FOXK1: variants seen among roughly 807,000 people sequenced by gnomAD.
FOXK1 encodes forkhead box K1, also known as forkhead box protein K1.
FOXK1 carries 19 observed loss-of-function variants against 51.9 expected under a neutral mutation model. The observed-to-expected ratio is 0.37, with a 90% confidence interval of 0.26 to 0.54. The LOEUF is 0.54. Among genes scored for constraint, FOXK1 ranks in the 20% least tolerant of loss-of-function variants. The probability of loss-of-function intolerance (pLI) is 0.87; values close to 1 mark genes in which losing one functional copy is unlikely to be tolerated. For missense variants in FOXK1, 870 were observed against 1,032.7 expected, an observed-to-expected ratio of 0.84 and a Z score of 2.16; for synonymous variants, 537 against 482.6, an observed-to-expected ratio of 1.11 and a Z score of -1.48.
chr7:4,761,844 G>A lies in FOXK1; in HGVS notation c.1922-340G>A, dbSNP rs1014208210. ...CTGGGGTGCAAGGGTGCTGGGCGGG[G>A]GTGCAGGGTACCAGGGCACCGGGCG... is the stretch of plus-strand genomic sequence containing the variant. On this transcript the variant is annotated intron_variant, in intron 8 of 8. Transcript: ENST00000328914. The surrounding 1 kb of genome is among the most constrained non-coding windows in gnomAD (Gnocchi z 6.2). 6.6e-6 allele frequency among the ~76,000 whole-genome samples: 1 copy of A among 152,156 alleles called. No homozygotes were observed. The highest frequency in any genetic ancestry group is 1.5e-5 in the Non-Finnish European group (1 of 68,032).
intron 1 of FOXK1, among the ~76,000 whole-genome samples, chr7:4,714,031 GGT>G (rs1025755379): frequency 1.1e-4 from 17 of 151,974 alleles, no homozygotes; most frequent in African/African-American, 4.1e-4. Context: ...TCACTGTGTT[GGT>G]CAGGCTGGTC....
In FOXK1 at chr7:4,682,433, C is replaced by A; in HGVS notation, c.125C>A (p.Ala42Asp). 7.1e-6 allele frequency: 7 copies of A among 981,360 alleles called. No individual in the cohort carries two copies. Among genetic ancestry groups the A allele is most frequent in the Non-Finnish European group, 8.4e-6 (7 of 828,746 alleles). The allele number at this position is 981,360 out of a possible 1,614,324, so 60.8% of individuals were successfully genotyped here. The change falls in exon 1 of 9, where the codon GCC becomes GAC. Residue 42 changes from alanine (A) to aspartate (D), a missense_variant. Ala to Asp is a moderately radical substitution (Grantham distance 126). Around this residue, in one of 3 missense-constraint regions of FOXK1, gnomAD observed 399 missense variants for 475.6 expected, o/e 0.84. Coordinates refer to ENST00000328914, the MANE Select transcript of FOXK1 (RefSeq NM_001037165.2). The surrounding 1 kb of genome is among the most constrained non-coding windows in gnomAD (Gnocchi z 7.6). ...TTCCCCGCGGCCGCACCCCCGCCGG[C>A]CCCCGCGCAGCCCCAGCCTCCGCCC... ...AAFPAAAPPP[A>D]PAQPQPPPGP...
intron 1 of FOXK1, among the ~76,000 whole-genome samples, chr7:4,705,630 G>C (rs1007528569): frequency 6.7e-6 from 1 of 149,106 alleles, no homozygotes; most frequent in African/African-American, 2.5e-5. Flanking sequence ...TCTGCTTCCC[G>C]CATTGAAGCA....
In FOXK1 at chr7:4,687,240, C is replaced by T. The variant is rs540433153; in HGVS notation, c.560+4372C>T. ...AGCCACCACGCCCGGCCTTTTTTTTCCTTTTTACATAGTTAATGTATCCAA... is the reference window on the plus strand; with the variant it reads ...AGCCACCACGCCCGGCCTTTTTTTTTCTTTTTACATAGTTAATGTATCCAA... On this transcript the variant is annotated intron_variant, in intron 1 of 8. Coordinates refer to ENST00000328914, the MANE Select transcript of FOXK1 (RefSeq NM_001037165.2). 2.7e-5 allele frequency among the ~76,000 whole-genome samples: 4 copies of T among 150,118 alleles called. No individual in the cohort carries two copies. In the East Asian group the frequency reaches 8.1e-4, roughly 30 times the overall value.
At chr7:4,744,211 G>C (rs1780672012) in intron 2 of FOXK1, among the ~76,000 whole-genome samples, 1 of 152,204 alleles carries the variant, frequency 6.6e-6, no homozygotes, top group African/African-American at 2.4e-5. Flanking sequence ...GTTTGCGAAG[G>C]AGTTAAGTGA....
At chr7:4,702,082 A>G (rs545702031) in intron 1 of FOXK1, among the ~76,000 whole-genome samples, 1 of 152,120 alleles carries the variant, frequency 6.6e-6, no homozygotes, top group Admixed American at 6.5e-5. Flanking sequence ...CTCAAAAAAA[A>G]CCCCAAAAAG....
In FOXK1 at chr7:4,747,597, A is replaced by G. The variant is rs771589161; in HGVS notation, c.746+6574A>G. ...ATTGCCCAGGCTGGAGTGCAGTGGC[A>G]CAGTCACAGCTCACTGCAACCTCAA... On this transcript the variant is annotated intron_variant, in intron 2 of 8. Transcript: ENST00000328914. This position sits in a 1 kb window ranked among gnomAD's most constrained non-coding sequence, Gnocchi z 9.2. 1.3e-5 allele frequency among the ~76,000 whole-genome samples: 2 copies of G among 151,394 alleles called. No homozygotes were observed. The highest frequency in any genetic ancestry group is 2.4e-5 in the African/African-American group (1 of 41,088).
rs999585981 is a variant in FOXK1 at position 4,748,336 on chromosome 7, C to T, written c.747-6123C>T. On this transcript the variant is annotated intron_variant, in intron 2 of 8. Coordinates refer to ENST00000328914, the MANE Select transcript of FOXK1 (RefSeq NM_001037165.2). This position sits in a 1 kb window ranked among gnomAD's most constrained non-coding sequence, Gnocchi z 4.9. ...TATATGGAAATTAAGGATTTAGCTTCCCCCCTCCCCATCCCAGTAAAGTTA... is the reference window on the plus strand; with the variant it reads ...TATATGGAAATTAAGGATTTAGCTTTCCCCCTCCCCATCCCAGTAAAGTTA... 6.6e-6 allele frequency among the ~76,000 whole-genome samples: 1 copy of T among 152,150 alleles called. No homozygotes were observed. Among genetic ancestry groups the T allele is most frequent in the African/African-American group, 2.4e-5 (1 of 41,446 alleles).
chr7:4,701,226 T>C (rs1351282263), intron 1 of FOXK1, among the ~76,000 whole-genome samples: 1 of 152,140 alleles, frequency 6.6e-6, no homozygotes, highest in Non-Finnish European at 1.5e-5. Flanking sequence ...TCTGAGCTGC[T>C]TATCTAGAGA....
intron 1 of FOXK1, among the ~76,000 whole-genome samples, chr7:4,697,264 C>G (rs544779078): frequency 6.6e-6 from 1 of 152,292 alleles, no homozygotes; most frequent in South Asian, 2.1e-4. Flanking sequence ...GTGACCAGAG[C>G]TCAGTCTCCG....
rs1008407494 is a variant in FOXK1, at chr7:4,768,257, C to A, written c.*5793C>A. On this transcript the variant is annotated 3_prime_UTR_variant, in exon 9 of 9. Transcript: ENST00000328914. The stretch of plus-strand genomic sequence containing the variant: ...ACGCCATTCTCCTGCCTCAGCCTCC[C>A]GAGTAGCTGGGACTACAGGCGCCCG... The A allele has an allele frequency of 6.9e-6, 1 of 145,710 alleles. No homozygotes were observed. Among genetic ancestry groups the A allele is most frequent in the South Asian group, 2.1e-4 (1 of 4,700 alleles). The allele number at this position is 145,710 out of a possible 1,614,324, so 9.0% of individuals were successfully genotyped here.
At position 4,697,741 on chromosome 7, in the gene FOXK1, C is replaced by CTGTGTG. The variant is rs57978112; in HGVS notation, c.560+14917_560+14922dup. On this transcript the variant is annotated intron_variant, in intron 1 of 8. Transcript: ENST00000328914. Reference sequence around the variant, plus strand: ...AGTGTTTACATACAGGAAAGATAGGCTGTGTGTGTGTGTGTGTGTGTGTGT... The same window carrying CTGTGTG: ...AGTGTTTACATACAGGAAAGATAGGCTGTGTGTGTGTGTGTGTGTGTGTGTGTGTGT... Among the ~76,000 whole-genome samples, 461 of 135,676 alleles carry CTGTGTG rather than the reference C, an allele frequency of 3.4e-3. 1 individual carries two copies. The highest frequency in any genetic ancestry group is 8.4e-3 in the African/African-American group (303 of 36,152). The allele number at this position is 135,676 out of a possible 152,430, so 89.0% of individuals were successfully genotyped here.
chr7:4,722,258 C>A lies in FOXK1; in HGVS notation c.561-18580C>A, dbSNP rs897326494. On this transcript the variant is annotated intron_variant, in intron 1 of 8. Coordinates refer to ENST00000328914, the MANE Select transcript of FOXK1 (RefSeq NM_001037165.2). The surrounding 1 kb of genome is among the most constrained non-coding windows in gnomAD (Gnocchi z 5.1). ...GCACCGTGCAAGCTGGCTTTGCATT[C>A]TCTGCCTTTCCCGAGCGTCCCTGCC... Among the ~76,000 whole-genome samples the A allele has an allele frequency of 5.3e-5, 8 of 151,140 alleles. No homozygotes were observed. The highest frequency in any genetic ancestry group is 1.9e-4 in the African/African-American group (8 of 41,442).
Position 4,753,812 on chromosome 7 carries a change from C to T in FOXK1, c.747-647C>T, listed in dbSNP as rs536258570. ...CTCAACCCAGAGCCTCACCTGCAGC[C>T]GGGGGTGTCGGTCACTCCCAGCCAT... is the stretch of plus-strand genomic sequence containing the variant. On this transcript the variant is annotated intron_variant, in intron 2 of 8. Coordinates refer to ENST00000328914, the MANE Select transcript of FOXK1 (RefSeq NM_001037165.2). The surrounding 1 kb of genome is among the most constrained non-coding windows in gnomAD (Gnocchi z 4.9). 9.2e-5 allele frequency among the ~76,000 whole-genome samples: 14 copies of T among 152,310 alleles called. No individual in the cohort carries two copies. Among genetic ancestry groups the T allele is most frequent in the South Asian group, 2.1e-4 (1 of 4,824 alleles).
In FOXK1 at chr7:4,754,479, C is replaced by G; in HGVS notation, c.767C>G (p.Ala256Gly). The change falls in exon 3 of 9, where the codon GCC (alanine) becomes GGC (glycine). Residue 256 changes from alanine (A) to glycine (G), a missense_variant. Around this residue, in one of 3 missense-constraint regions of FOXK1, gnomAD observed 399 missense variants for 475.6 expected, o/e 0.84. Coordinates refer to ENST00000328914, the MANE Select transcript of FOXK1 (RefSeq NM_001037165.2). ...GTISVPNSCP[A>G]SPRGAGSSSY... is the part of the protein sequence containing the mutation. Reference sequence around the variant, plus strand: ...CTCAGTGTCCCCAACTCCTGCCCAGCCAGTCCACGCGGTGCCGGCTCCTCC... The same window carrying G: ...CTCAGTGTCCCCAACTCCTGCCCAGGCAGTCCACGCGGTGCCGGCTCCTCC... 6.2e-7 allele frequency: 1 copy of G among 1,613,296 alleles called. No homozygotes were observed. The highest frequency in any genetic ancestry group is 8.5e-7 in the Non-Finnish European group (1 of 1,180,004).
chr7:4,762,683 G>A lies in FOXK1; in HGVS notation c.*219G>A. On this transcript the variant is annotated 3_prime_UTR_variant, in exon 9 of 9. Transcript: ENST00000328914. This position sits in a 1 kb window ranked among gnomAD's most constrained non-coding sequence, Gnocchi z 5.7. ...AACAAGTTCAGACAACTGATTGTATGATTCTGGGAATTCTTTGCTTTCCTT... is the reference window on the plus strand; with the variant it reads ...AACAAGTTCAGACAACTGATTGTATAATTCTGGGAATTCTTTGCTTTCCTT... The A allele has an allele frequency of 8.8e-6, 5 of 570,142 alleles. No individual in the cohort carries two copies. Among genetic ancestry groups the A allele is most frequent in the Non-Finnish European group, 1.2e-5 (4 of 320,144 alleles). 35.3% of individuals were successfully genotyped at this position (570,142 alleles called of 1,614,324 possible).
rs917804565 is a variant in FOXK1 at position 4,745,102 on chromosome 7, T to C, written c.746+4079T>C. On this transcript the variant is annotated intron_variant, in intron 2 of 8. Transcript: ENST00000328914. The surrounding 1 kb of genome is among the most constrained non-coding windows in gnomAD (Gnocchi z 4.3). ...CTGCCACCTCCCCACTCTCCTCCTC[T>C]CTGGCTGCGCTCCCTAACAGATCGG... is the stretch of plus-strand genomic sequence containing the variant. Among the ~76,000 whole-genome samples the C allele has an allele frequency of 3.9e-5, 6 of 152,190 alleles. No individual in the cohort carries two copies. The highest frequency in any genetic ancestry group is 6.5e-5 in the Admixed American group (1 of 15,276).
Position 4,771,146 on chromosome 7 carries a change from G to GC in FOXK1, c.*8686dup, listed in dbSNP as rs1332454303. 1 of 152,588 alleles carries GC rather than the reference G, an allele frequency of 6.6e-6. No individual in the cohort carries two copies. The highest frequency in any genetic ancestry group is 2.4e-5 in the African/African-American group (1 of 41,428). 9.5% of individuals were successfully genotyped at this position (152,588 alleles called of 1,614,324 possible). On this transcript the variant is annotated 3_prime_UTR_variant, in exon 9 of 9. Coordinates refer to ENST00000328914, the MANE Select transcript of FOXK1 (RefSeq NM_001037165.2). ...ACGCACGACACCAGAGGAAGGGACA[G>GC]CCCCACCCATGTCAACAGCAGGCAA...
In FOXK1 at chr7:4,766,330, A is replaced by G. The variant is rs1197769546; in HGVS notation, c.*3866A>G. The G allele has an allele frequency of 1.3e-5, 2 of 152,094 alleles. No individual in the cohort carries two copies. Among genetic ancestry groups the G allele is most frequent in the African/African-American group, 4.8e-5 (2 of 41,406 alleles). 9.4% of individuals were successfully genotyped at this position (152,094 alleles called of 1,614,324 possible). A position where few individuals can be genotyped will look rare whatever the true frequency, so the allele number is the denominator to read the frequency against. ...AATGAGACGCTGGTGTGGGGTCCCC[A>G]TGTAGAGACCCTCAGGTCCCTATCC... On this transcript the variant is annotated 3_prime_UTR_variant, in exon 9 of 9. Transcript: ENST00000328914. The surrounding 1 kb of genome is among the most constrained non-coding windows in gnomAD (Gnocchi z 5.5).
Sources: allele counts gnomAD v4.1 joint callset (sites outside exome capture counted in the v4.1 genomes callset), GRCh38; gene constraint gnomAD v4.1.1; regional missense constraint gnomAD v4.1.1; non-coding constraint Gnocchi (gnomAD v3.1); transcripts MANE v1.5; gene names NCBI Gene and HGNC (gene_info 2026-07-23, HGNC 2026-07-21).